Variants in POMK observed in about 807,000 individuals in gnomAD.
POMK encodes the protein protein O-mannose kinase.
POMK carries 19 observed loss-of-function variants against 23.0 expected under a neutral mutation model. The ratio of observed to expected loss-of-function variants is 0.83; its 90% CI spans 0.58 to 1.21. The LOEUF is 1.21. Among genes scored for constraint, POMK ranks in the 50% most tolerant of loss-of-function variants. The pLI is 0.00. For synonymous variants in POMK, 173 were observed against 171.6 expected, an observed-to-expected ratio of 1.01 and a Z score of -0.06; for missense variants, 410 against 431.3, an observed-to-expected ratio of 0.95 and a Z score of 0.44.
intron 4 of POMK, among the ~76,000 whole-genome samples, chr8:43,110,230 TAACTC>T (rs201480957): frequency 0.015 from 2,210 of 152,346 alleles, 56 homozygotes; most frequent in African/African-American, 0.05. Context: ...ATTACACTGT[TAACTC>T]AATGACTTTT....
At chr8:43,099,411 C>A (rs1811394478) in intron 2 of POMK, among the ~76,000 whole-genome samples, 1 of 152,236 alleles carries the variant, frequency 6.6e-6, no homozygotes, top group Non-Finnish European at 1.5e-5. Flanking sequence ...ATGAAAAGTC[C>A]TGAGTCTGGG....
intron 1 of POMK, among the ~76,000 whole-genome samples, chr8:43,096,476 A>G (rs1811337144): frequency 6.6e-6 from 1 of 152,104 alleles, no homozygotes; most frequent in African/African-American, 2.4e-5. Context: ...TCTGGCCAAC[A>G]TAGTGAAACT....
At chr8:43,094,084 T>C (rs1007027394) in intron 1 of POMK, among the ~76,000 whole-genome samples, 1 of 152,228 alleles carries the variant, frequency 6.6e-6, no homozygotes, top group Non-Finnish European at 1.5e-5. Flanking sequence ...TTTCTATTAT[T>C]ATTACTTTAT....
chr8:43,093,949 C>G (rs1177434160), intron 1 of POMK, among the ~76,000 whole-genome samples: 1 of 152,208 alleles, frequency 6.6e-6, no homozygotes, highest in Admixed American at 6.5e-5. Flanking sequence ...GCGGTGGCGC[C>G]GCCTATAGTC....
intron 1 of POMK, among the ~76,000 whole-genome samples, chr8:43,093,963 T>C (rs1473883903): frequency 1.3e-5 from 2 of 152,140 alleles, no homozygotes; most frequent in East Asian, 3.9e-4. Flanking sequence ...TATAGTCTTA[T>C]CTACTCCGGA....
At chr8:43,098,150 A>G (rs1486375270) in intron 2 of POMK, among the ~76,000 whole-genome samples, 1 of 152,192 alleles carries the variant, frequency 6.6e-6, no homozygotes. Flanking sequence ...AAACCATAAC[A>G]TTTGACATTT....
intron 1 of POMK, among the ~76,000 whole-genome samples, chr8:43,093,930 T>C (rs1811276981): frequency 6.6e-6 from 1 of 152,108 alleles, no homozygotes; most frequent in South Asian, 2.1e-4. Context: ...AAAAAGCACT[T>C]AGCCGGGCGC....
intron 3 of POMK, among the ~76,000 whole-genome samples, chr8:43,103,174 C>G (rs1811477165): frequency 6.6e-6 from 1 of 152,224 alleles, no homozygotes; most frequent in Admixed American, 6.5e-5. Flanking sequence ...TTTGTCCACC[C>G]TCTGTCCCTG....
intron 2 of POMK, among the ~76,000 whole-genome samples, chr8:43,100,269 G>A (rs74967121): frequency 6.6e-6 from 1 of 152,144 alleles, no homozygotes; most frequent in South Asian, 2.1e-4. Context: ...CTTATGGCAG[G>A]TGAGGCTCAA....
intron 1 of POMK, among the ~76,000 whole-genome samples, chr8:43,097,085 A>C (rs1421805239): frequency 6.6e-6 from 1 of 152,226 alleles, no homozygotes; most frequent in African/African-American, 2.4e-5. Flanking sequence ...TTAAGTAGAT[A>C]GATAAGTAGG....
chr8:43,118,149 AG>A (rs1479781628), intron 4 of POMK, among the ~76,000 whole-genome samples: 1 of 152,174 alleles, frequency 6.6e-6, no homozygotes, highest in Non-Finnish European at 1.5e-5. Context: ...TAAAGAAAAA[AG>A]GTAGTAGTAT....
chr8:43,123,247 G>A lies in POMK; in HGVS notation c.*370G>A, dbSNP rs1359111643. The A allele has an allele frequency of 5.9e-6, 1 of 170,200 alleles. No individual in the cohort carries two copies. The highest frequency in any genetic ancestry group is 1.3e-5 in the Non-Finnish European group (1 of 79,220). 10.5% of individuals were successfully genotyped at this position (170,200 alleles called of 1,614,324 possible). A position where few individuals can be genotyped will look rare whatever the true frequency, so the allele number is the denominator to read the frequency against. ...TTTTTGTATTTTTAGTGGAGGTGGG[G>A]TTTCACCATGTTGGCCAGGCTGGTC... On this transcript the variant is annotated 3_prime_UTR_variant, in exon 5 of 5. Coordinates refer to ENST00000331373, the MANE Select transcript of POMK (RefSeq NM_032237.5).
intron 4 of POMK, among the ~76,000 whole-genome samples, chr8:43,114,128 C>T (rs1811742706): frequency 6.6e-6 from 1 of 152,220 alleles, no homozygotes; most frequent in African/African-American, 2.4e-5. Flanking sequence ...AGAACCACTG[C>T]TCTCTTCAAA....
intron 4 of POMK, among the ~76,000 whole-genome samples, chr8:43,106,733 A>G (rs1030870435): frequency 1.3e-5 from 2 of 152,100 alleles, no homozygotes; most frequent in African/African-American, 4.8e-5. Flanking sequence ...TCTTGACCTC[A>G]GGTGATCCGC....
At chr8:43,101,132 A>C (rs1404208929) in intron 2 of POMK, among the ~76,000 whole-genome samples, 1 of 152,010 alleles carries the variant, frequency 6.6e-6, no homozygotes, top group Non-Finnish European at 1.5e-5. Context: ...GATAAAAATA[A>C]ATTTAAAAGG....
At chr8:43,105,047 C>T (rs931084396) in intron 4 of POMK, among the ~76,000 whole-genome samples, 9 of 152,074 alleles carry the variant, frequency 5.9e-5, no homozygotes, top group Non-Finnish European at 1.2e-4. Flanking sequence ...TGATTTTTAA[C>T]AATTTATTTT....
chr8:43,115,474 A>G (rs1199476436), intron 4 of POMK, among the ~76,000 whole-genome samples: 1 of 151,990 alleles, frequency 6.6e-6, no homozygotes, highest in East Asian at 1.9e-4. Flanking sequence ...CTGGCCACCT[A>G]TCTTGTCAAT....
chr8:43,122,708 A>T lies in POMK; in HGVS notation c.884A>T (p.His295Leu). The T allele has an allele frequency of 2.5e-6, 4 of 1,614,192 alleles. No homozygotes were observed. The highest frequency in any genetic ancestry group is 3.4e-6 in the Non-Finnish European group (4 of 1,180,018). Residue 295 changes from histidine to leucine, a missense_variant, in exon 5 of 5, where the codon CAC (histidine) becomes CTC (leucine). Physicochemically the swap from His to Leu is moderately conservative, Grantham distance 99. Transcript: ENST00000331373. ...IPDISSFLLG[H>L]IEGSDMVRFH... ...GACATCTCCAGTTTCCTTCTGGGGC[A>T]CATTGAAGGGAGTGATATGGTCCGA...
chr8:43,123,118 G>T lies in POMK; in HGVS notation c.*241G>T. The T allele has an allele frequency of 2.3e-6, 1 of 429,964 alleles. No individual in the cohort carries two copies. The allele number at this position is 429,964 out of a possible 1,614,324, so 26.6% of individuals were successfully genotyped here. On this transcript the variant is annotated 3_prime_UTR_variant, in exon 5 of 5. Coordinates refer to ENST00000331373, the MANE Select transcript of POMK (RefSeq NM_032237.5). ...GTTGCTGAGGCTGGAGTGCAGTGAT[G>T]TGATCTTGGCTCACTGCAGCCTCTG...
Sources: allele counts gnomAD v4.1 joint callset (sites outside exome capture counted in the v4.1 genomes callset), GRCh38; gene constraint gnomAD v4.1.1; transcripts MANE v1.5; gene names NCBI Gene and HGNC (gene_info 2026-07-23, HGNC 2026-07-21).